Variants in MXI1 observed in about 807,000 individuals in gnomAD.
The protein encoded by MXI1 is max-interacting protein 1.
Under a neutral mutation model 36.9 loss-of-function variants are expected in MXI1, and 18 were observed. The ratio of observed to expected loss-of-function variants is 0.49; its 90% CI spans 0.34 to 0.72. The LOEUF (loss-of-function observed/expected upper bound fraction) is 0.72. MXI1 is among the 30% of genes least tolerant of loss of function. The pLI, the probability that MXI1 is intolerant of heterozygous loss-of-function variation, is 0.01. For synonymous variants in MXI1, 160 were observed against 146.7 expected, an observed-to-expected ratio of 1.09 and a Z score of -0.65; for missense variants, 304 against 379.1, an observed-to-expected ratio of 0.80 and a Z score of 1.64.
Position 110,265,974 on chromosome 10 carries a change from C to T in MXI1, c.438-13206C>T, listed in dbSNP as rs1264261142. On this transcript the variant is annotated intron_variant, in intron 3 of 5. Coordinates refer to ENST00000332674, the MANE Select transcript of MXI1 (RefSeq NM_130439.3). ...TTACTCTGGGGTGAAAGTGAACTTG[C>T]AGCTTTTCAGCATGGATAAGATAGA... Among the ~76,000 whole-genome samples, 4 of 152,204 alleles carry T rather than the reference C, an allele frequency of 2.6e-5. No homozygotes were observed. In the East Asian group the frequency reaches 7.7e-4, roughly 29 times the overall value.
intron 3 of MXI1, among the ~76,000 whole-genome samples, chr10:110,250,957 AT>A (rs1488916941): frequency 7.0e-6 from 1 of 143,432 alleles, no homozygotes; most frequent in Non-Finnish European, 1.5e-5. Context: ...GCTTATCCTT[AT>A]TATAACTTTG....
At position 110,279,982 on chromosome 10, in the gene MXI1, A is replaced by G; in HGVS notation, c.621A>G (p.Leu207=). The part of the protein sequence containing the change: ...LENLEREQRF[L]KWRLEQLQGP... The stretch of plus-strand genomic sequence containing the variant: ...ATTTGGAACGAGAACAGAGATTTTT[A>G]AAGTGGCGACTGGAACAGCTGCAGG... The change falls in exon 5 of 6, where the codon TTA becomes TTG. Residue 207 remains leucine, a synonymous_variant. Transcript: ENST00000332674. 1 of 1,613,504 alleles carries G rather than the reference A, an allele frequency of 6.2e-7. No homozygotes were observed. The highest frequency in any genetic ancestry group is 8.5e-7 in the Non-Finnish European group (1 of 1,179,586).
At chr10:110,244,970 T>A in intron 3 of MXI1, 113 bp downstream of exon 3, 1 of 1,039,998 alleles carries the variant, frequency 9.6e-7, no homozygotes, top group Non-Finnish European at 1.4e-6. Context: ...TTTTCAGATG[T>A]ATAGCCCATT....
At chr10:110,239,490 C>A (rs1855589922) in intron 2 of MXI1, among the ~76,000 whole-genome samples, 1 of 152,086 alleles carries the variant, frequency 6.6e-6, no homozygotes, top group South Asian at 2.1e-4. Flanking sequence ...TTTCTAATTT[C>A]TCTGCAATTT....
At chr10:110,274,564 G>GT (rs1222464025) in intron 3 of MXI1, among the ~76,000 whole-genome samples, 1 of 152,192 alleles carries the variant, frequency 6.6e-6, no homozygotes, top group African/African-American at 2.4e-5. Context: ...TTTTTAAAAA[G>GT]TATGTGTTAA....
intron 1 of MXI1, among the ~76,000 whole-genome samples, chr10:110,223,442 G>A (rs758211080): frequency 1.3e-5 from 2 of 152,020 alleles, no homozygotes; most frequent in South Asian, 2.1e-4. Context: ...TTAGCTGGGC[G>A]TGGTGGCAGG....
chr10:110,227,777 T>A (rs1167887044), intron 1 of MXI1: 2 of 191,526 alleles, frequency 1.0e-5, no homozygotes, highest in Admixed American at 5.3e-5. Context: ...TTTCTAAGAC[T>A]TGTTCGAAGT....
intron 1 of MXI1, 183 bp from the exon 2 acceptor site, chr10:110,228,006 G>A: frequency 1.6e-6 from 1 of 622,772 alleles, no homozygotes; most frequent in South Asian, 2.0e-5. Flanking sequence ...CTTCCAGCTG[G>A]TGGGGTGTCA....
At chr10:110,220,849 G>A (rs1026504387) in intron 1 of MXI1, among the ~76,000 whole-genome samples, 27 of 152,172 alleles carry the variant, frequency 1.8e-4, no homozygotes, top group African/African-American at 4.3e-4. Context: ...ATAACACACC[G>A]TGGCTGACCA....
At chr10:110,256,083 G>A (rs538059158) in intron 3 of MXI1, among the ~76,000 whole-genome samples, 8 of 151,958 alleles carry the variant, frequency 5.3e-5, no homozygotes, top group Non-Finnish European at 1.0e-4. Context: ...CAAATAGAGC[G>A]GACACAACTG....
At chr10:110,238,804 A>G (rs1855560604) in intron 2 of MXI1, among the ~76,000 whole-genome samples, 2 of 152,154 alleles carry the variant, frequency 1.3e-5, no homozygotes, top group Non-Finnish European at 1.5e-5. Flanking sequence ...TGTATCTTTC[A>G]AGAAATTTGT....
chr10:110,229,057 AAG>A (rs1339368289), intron 2 of MXI1, among the ~76,000 whole-genome samples: 1 of 152,240 alleles, frequency 6.6e-6, no homozygotes, highest in Non-Finnish European at 1.5e-5. Context: ...TTGTGTCAAA[AAG>A]AGAAAAAAAT....
At chr10:110,242,077 T>A (rs1855690654) in intron 2 of MXI1, among the ~76,000 whole-genome samples, 2 of 151,958 alleles carry the variant, frequency 1.3e-5, no homozygotes, top group Non-Finnish European at 2.9e-5. Context: ...ACAACTCGAC[T>A]TGTTTGCTTA....
At chr10:110,271,226 G>A (rs1244963741) in intron 3 of MXI1, among the ~76,000 whole-genome samples, 1 of 151,932 alleles carries the variant, frequency 6.6e-6, no homozygotes, top group Admixed American at 6.6e-5. Context: ...AAAAAAAAAA[G>A]GTTAAGAGTT....
intron 3 of MXI1, among the ~76,000 whole-genome samples, chr10:110,271,527 T>G (rs1160660675): frequency 6.6e-6 from 1 of 152,108 alleles, no homozygotes; most frequent in Non-Finnish European, 1.5e-5. Context: ...GTGGAAGAAA[T>G]TGTTTGGCCA....
At chr10:110,246,580 C>G (rs1855871193) in intron 3 of MXI1, among the ~76,000 whole-genome samples, 1 of 152,272 alleles carries the variant, frequency 6.6e-6, no homozygotes, top group Admixed American at 6.5e-5. Flanking sequence ...TATTGTAAGG[C>G]TGAATAGGTA....
At chr10:110,274,330 A>G (rs1326066052) in intron 3 of MXI1, among the ~76,000 whole-genome samples, 1 of 151,994 alleles carries the variant, frequency 6.6e-6, no homozygotes, top group Non-Finnish European at 1.5e-5. Context: ...CCTGGGCAAA[A>G]CCCACTTTAA....
intron 3 of MXI1, among the ~76,000 whole-genome samples, chr10:110,271,891 T>G (rs1266688899): frequency 1.3e-5 from 2 of 152,214 alleles, no homozygotes; most frequent in South Asian, 4.1e-4. Context: ...GGTATCTGTG[T>G]AGTTTGAGAA....
chr10:110,259,641 G>C (rs939765616), intron 3 of MXI1, among the ~76,000 whole-genome samples: 1 of 152,064 alleles, frequency 6.6e-6, no homozygotes, highest in African/African-American at 2.4e-5. Context: ...TATTAGATGA[G>C]AGACTTTGTT....
Sources: allele counts gnomAD v4.1 joint callset (sites outside exome capture counted in the v4.1 genomes callset), GRCh38; gene constraint gnomAD v4.1.1; transcripts MANE v1.5; gene names NCBI Gene and HGNC (gene_info 2026-07-23, HGNC 2026-07-21).